CRPPA: variants seen among roughly 807,000 people sequenced by gnomAD.
The protein encoded by CRPPA is D-ribitol-5-phosphate cytidylyltransferase.
In CRPPA, 43 loss-of-function variants were observed where a neutral mutation model predicts 52.0. That is an observed-to-expected ratio of 0.83 (90% CI 0.65 to 1.07). CRPPA has a LOEUF of 1.07. Ranked by LOEUF, CRPPA falls within the 50% of genes least tolerant of loss-of-function variation. The pLI, the probability that CRPPA is intolerant of heterozygous loss-of-function variation, is 0.00. For missense variants in CRPPA, 629 were observed against 551.7 expected, an observed-to-expected ratio of 1.14 and a Z score of -1.40; for synonymous variants, 250 against 203.5, an observed-to-expected ratio of 1.23 and a Z score of -1.94.
At chr7:16,188,601 T>G (rs61207379) in intron 9 of CRPPA, among the ~76,000 whole-genome samples, 33 of 152,294 alleles carry the variant, frequency 2.2e-4, no homozygotes, top group African/African-American at 7.9e-4. Flanking sequence ...CTTGTTTTTC[T>G]CACCTATAAA....
intron 3 of CRPPA, among the ~76,000 whole-genome samples, chr7:16,366,164 C>A (rs2128310266): frequency 6.6e-6 from 1 of 152,282 alleles, no homozygotes; most frequent in South Asian, 2.1e-4. Flanking sequence ...CTCCCTCAGG[C>A]CTCTTTTCTA....
chr7:16,348,064 C>G (rs1454983820), intron 3 of CRPPA, among the ~76,000 whole-genome samples: 1 of 152,132 alleles, frequency 6.6e-6, no homozygotes, highest in Non-Finnish European at 1.5e-5. Flanking sequence ...CTACTTGGCA[C>G]AACCCAGCTT....
At chr7:16,263,570 G>A (rs1783870609) in intron 6 of CRPPA, among the ~76,000 whole-genome samples, 1 of 152,082 alleles carries the variant, frequency 6.6e-6, no homozygotes, top group South Asian at 2.1e-4. Flanking sequence ...TGGCCAAGAT[G>A]GTGAAACCCC....
chr7:16,262,921 C>T (rs1783848095), intron 6 of CRPPA, among the ~76,000 whole-genome samples: 1 of 152,018 alleles, frequency 6.6e-6, no homozygotes, highest in Non-Finnish European at 1.5e-5. Flanking sequence ...GTTTGTTTGG[C>T]TACTGTTAAT....
intron 8 of CRPPA, among the ~76,000 whole-genome samples, chr7:16,250,629 T>A (rs1274522168): frequency 6.6e-6 from 1 of 152,118 alleles, no homozygotes; most frequent in African/African-American, 2.4e-5. Flanking sequence ...AAACTAAGCT[T>A]CATAAGTCAA....
rs180945204 is a variant in CRPPA at position 16,198,805 on chromosome 7, C to G, written c.1251+17261G>C. On this transcript the variant is annotated intron_variant, in intron 9 of 9. Coordinates refer to ENST00000407010, the MANE Select transcript of CRPPA (RefSeq NM_001101426.4). ...TGGGCTCACGCAATCCTTCCTGCCT[C>G]TGCCTCTGCCTCTGAAAATGCTAAG... Among the ~76,000 whole-genome samples the G allele has an allele frequency of 6.6e-3, 998 of 151,596 alleles. 13 individuals are homozygous for G. Among genetic ancestry groups the G allele is most frequent in the African/African-American group, 0.023 (946 of 41,244 alleles).
intron 9 of CRPPA, among the ~76,000 whole-genome samples, chr7:16,097,313 T>C (rs1177441650): frequency 6.6e-6 from 1 of 152,174 alleles, no homozygotes; most frequent in African/African-American, 2.4e-5. Context: ...AAGAGTTTCA[T>C]AATAGCTGTG....
At chr7:16,182,753 T>A (rs1294790680) in intron 9 of CRPPA, among the ~76,000 whole-genome samples, 1 of 152,180 alleles carries the variant, frequency 6.6e-6, no homozygotes, top group Non-Finnish European at 1.5e-5. Context: ...TCAGTTAGAA[T>A]CCACCCAAAG....
chr7:16,315,343 A>G (rs1183188120), intron 3 of CRPPA, among the ~76,000 whole-genome samples: 1 of 152,124 alleles, frequency 6.6e-6, no homozygotes, highest in Non-Finnish European at 1.5e-5. Flanking sequence ...GGTAATTTCA[A>G]TGTTGCCATA....
chr7:16,390,609 T>C (rs1328613432), intron 2 of CRPPA, among the ~76,000 whole-genome samples: 1 of 152,190 alleles, frequency 6.6e-6, no homozygotes, highest in Non-Finnish European at 1.5e-5. Context: ...TGGTAAAGTA[T>C]TCCAGAGCTG....
At chr7:16,397,806 T>C (rs761739355) in intron 2 of CRPPA, among the ~76,000 whole-genome samples, 2 of 152,136 alleles carry the variant, frequency 1.3e-5, no homozygotes, top group East Asian at 3.9e-4. Context: ...TTGGCACGTG[T>C]TTAACATGTG....
intron 9 of CRPPA, among the ~76,000 whole-genome samples, chr7:16,186,420 C>A (rs1781505916): frequency 6.6e-6 from 1 of 152,264 alleles, no homozygotes; most frequent in Non-Finnish European, 1.5e-5. Flanking sequence ...TGCAAGAAGG[C>A]CCTCACCAGA....
rs1399994070 is a variant in CRPPA at position 16,088,029 on chromosome 7, C to A, written c.*3666G>T. 2 of 152,016 alleles carry A rather than the reference C, an allele frequency of 1.3e-5. No individual in the cohort carries two copies. The highest frequency in any genetic ancestry group is 2.9e-5 in the Non-Finnish European group (2 of 68,006). The allele number at this position is 152,016 out of a possible 1,614,324, so 9.4% of individuals were successfully genotyped here. ...AAAATACTTACAATAATAACCATAA[C>A]AATGACTCTGAGAGAATATAGGGAG... is the stretch of plus-strand genomic sequence containing the variant. On this transcript the variant is annotated 3_prime_UTR_variant, in exon 10 of 10. Coordinates refer to ENST00000407010, the MANE Select transcript of CRPPA (RefSeq NM_001101426.4).
chr7:16,393,905 C>A (rs1380825001), intron 2 of CRPPA, among the ~76,000 whole-genome samples: 1 of 151,930 alleles, frequency 6.6e-6, no homozygotes, highest in African/African-American at 2.4e-5. Context: ...ACAGGCGTTT[C>A]AATAAGAATA....
chr7:16,313,926 G>A (rs895611666), intron 3 of CRPPA, among the ~76,000 whole-genome samples: 6 of 151,874 alleles, frequency 4.0e-5, no homozygotes, highest in Non-Finnish European at 8.8e-5. Context: ...CCCAGAAAGT[G>A]GTCTATCTTG....
chr7:16,374,595 AG>A (rs1786831704), intron 3 of CRPPA, among the ~76,000 whole-genome samples: 2 of 152,210 alleles, frequency 1.3e-5, no homozygotes, highest in Admixed American at 1.3e-4. Context: ...ATTCCTCAAA[AG>A]GGACAAATTC....
chr7:16,411,441 C>T (rs945191518), intron 1 of CRPPA, among the ~76,000 whole-genome samples: 1 of 152,036 alleles, frequency 6.6e-6, no homozygotes, highest in East Asian at 1.9e-4. Context: ...CGTAATATTC[C>T]TGCTTTTATA....
chr7:16,197,585 C>G (rs113363531), intron 9 of CRPPA, among the ~76,000 whole-genome samples: 11,807 of 151,846 alleles, frequency 0.078, 540 homozygotes, highest in East Asian at 0.14. Context: ...ATCCTTCCTG[C>G]CTCTGCCTCT....
chr7:16,293,708 A>G (rs1784610164), intron 5 of CRPPA, among the ~76,000 whole-genome samples: 1 of 152,034 alleles, frequency 6.6e-6, no homozygotes, highest in South Asian at 2.1e-4. Context: ...AAGCTAACAC[A>G]GAAGCTAACT....
Sources: gnomAD v4.1 joint callset for allele counts (sites outside exome capture counted in the v4.1 genomes callset) on GRCh38, gnomAD v4.1.1 for gene constraint, MANE v1.5 for transcripts, NCBI Gene and HGNC (gene_info 2026-07-23, HGNC 2026-07-21) for gene names.